The following ABCA13 variants were observed in gnomAD, a reference collection of about 807,000 sequenced individuals.
ABCA13 encodes ATP-binding cassette sub-family A member 13.
In ABCA13, 476 loss-of-function variants were observed where a neutral mutation model predicts 478.7. The observed-to-expected ratio is 0.99, with a 90% CI of 0.92 to 1.07. The LOEUF is 1.07. Ranked by LOEUF, ABCA13 falls within the 50% of genes least tolerant of loss-of-function variation. The probability of loss-of-function intolerance (pLI) is 0.00; values close to 1 mark genes in which losing one functional copy is unlikely to be tolerated. For missense variants in ABCA13, 6,060 were observed against 5,910.6 expected (o/e 1.03, Z -0.83); for synonymous variants, 2,252 against 2,158.9 (o/e 1.04, Z -1.20).
chr7:48,279,882 G>T lies in ABCA13; in HGVS notation c.8688G>T (p.Leu2896Phe). ...AATACCTGGGAGGATTATTTGTATT[G>T]ACTAAATACTGGCAACAAATCCCAC... Reference protein sequence around the residue: ...LEKYLGGLFVLTKYWQQIPLT... With the variant: ...LEKYLGGLFVFTKYWQQIPLT... Residue 2896 changes from leucine to phenylalanine, a missense_variant, in exon 18 of 62, where the codon TTG (leucine) becomes TTT (phenylalanine). By Grantham distance (22) the Leu-to-Phe change is conservative. Coordinates refer to ENST00000435803, the MANE Select transcript of ABCA13 (RefSeq NM_152701.5). 1 of 1,529,472 alleles carries T rather than the reference G, an allele frequency of 6.5e-7. No individual in the cohort carries two copies. The highest frequency in any genetic ancestry group is 1.3e-5 in the South Asian group (1 of 74,542). The allele number at this position is 1,529,472 out of a possible 1,614,324, so 94.7% of individuals were successfully genotyped here.
At chr7:48,388,092 T>A in intron 36 of ABCA13, 133 bp downstream of exon 36, 1 of 969,344 alleles carries the variant, frequency 1.0e-6, no homozygotes, top group Non-Finnish European at 1.4e-6. Flanking sequence ...TTAGGCTGTC[T>A]TGGGCTGGGA....
In ABCA13 at chr7:48,296,090, T is replaced by C. The variant is rs140240769; in HGVS notation, c.9119+227T>C. Among the ~76,000 whole-genome samples the C allele has an allele frequency of 2.1e-3, 317 of 152,302 alleles. 2 individuals carry two copies. Among genetic ancestry groups the C allele is most frequent in the African/African-American group, 7.4e-3 (309 of 41,564 alleles). ...CTAACTTTATTGGCGATAAAGATATTAGATATAAGAATGTAATCCACAACG... is the reference window on the plus strand; with the variant it reads ...CTAACTTTATTGGCGATAAAGATATCAGATATAAGAATGTAATCCACAACG... On this transcript the variant is annotated intron_variant, in intron 21 of 61. Transcript: ENST00000435803.
intron 15 of ABCA13, among the ~76,000 whole-genome samples, chr7:48,263,194 C>T (rs1401267023): frequency 1.3e-5 from 2 of 151,850 alleles, no homozygotes; most frequent in South Asian, 2.1e-4. Flanking sequence ...TTTAAGAAGA[C>T]GCCTAGATGA....
intron 27 of ABCA13, among the ~76,000 whole-genome samples, chr7:48,329,768 T>C (rs1034623322): frequency 1.3e-5 from 2 of 152,002 alleles, no homozygotes; most frequent in Admixed American, 6.6e-5. Context: ...CATTCATCTA[T>C]GCAATCATCC....
At position 48,350,674 on chromosome 7, in the gene ABCA13, A is replaced by G. The variant is rs2128981429; in HGVS notation, c.10236A>G (p.Ala3412=). The change falls in exon 30 of 62, where the codon GCA becomes GCG. Residue 3412 remains alanine (A), a synonymous_variant. Transcript: ENST00000435803. ...GGLLDEMFNH[A]GAGRFRFLGS... Reference sequence around the variant, plus strand: ...TGCTGGATGAGATGTTTAACCATGCAGGCGCTGGACGCTTCCGTTTCTTGG... The same window carrying G: ...TGCTGGATGAGATGTTTAACCATGCGGGCGCTGGACGCTTCCGTTTCTTGG... The G allele has an allele frequency of 6.2e-7, 1 of 1,613,788 alleles. No homozygotes were observed.
chr7:48,641,990 T>C (rs1795130477), intron 59 of ABCA13, among the ~76,000 whole-genome samples: 1 of 152,204 alleles, frequency 6.6e-6, no homozygotes, highest in Non-Finnish European at 1.5e-5. Flanking sequence ...TTCTGAGAGA[T>C]AGCCAAATAG....
intron 55 of ABCA13, among the ~76,000 whole-genome samples, chr7:48,554,804 T>A (rs1431683176): frequency 6.8e-6 from 1 of 147,714 alleles, no homozygotes; most frequent in Non-Finnish European, 1.5e-5. Context: ...CTAGTGTGGA[T>A]GCCCTTTATT....
intron 59 of ABCA13, among the ~76,000 whole-genome samples, chr7:48,632,965 A>G (rs1370802651): frequency 6.6e-6 from 1 of 152,224 alleles, no homozygotes; most frequent in Non-Finnish European, 1.5e-5. Context: ...CTAAAACTGT[A>G]AAACTCTTAG....
In ABCA13 at chr7:48,313,372, C is replaced by G. The variant is rs1802061615; in HGVS notation, c.9681+141C>G. On this transcript the variant is annotated intron_variant, in intron 25 of 61. Coordinates refer to ENST00000435803, the MANE Select transcript of ABCA13 (RefSeq NM_152701.5). ...GGAATGAAAGTACCTTTTCATATCT[C>G]TGGAAGCAACAGCATAACATAGAAT... The G allele has an allele frequency of 7.2e-6, 6 of 830,252 alleles. No homozygotes were observed. The East Asian group carries it at 1.6e-4, about 22-fold the overall frequency. 51.4% of individuals were successfully genotyped at this position (830,252 alleles called of 1,614,324 possible).
At chr7:48,172,898 G>C (rs1562695528) in intron 1 of ABCA13, among the ~76,000 whole-genome samples, 4 of 150,078 alleles carry the variant, frequency 2.7e-5, no homozygotes, top group Admixed American at 1.3e-4. Flanking sequence ...GTTCGTGTCT[G>C]TGTAGGTAGT....
chr7:48,256,084 C>A (rs1793346627), intron 15 of ABCA13, among the ~76,000 whole-genome samples: 1 of 152,062 alleles, frequency 6.6e-6, no homozygotes, highest in Admixed American at 6.6e-5. Context: ...TACTTATTGG[C>A]CATGTGCATG....
intron 42 of ABCA13, among the ~76,000 whole-genome samples, chr7:48,440,415 A>G (rs868846965): frequency 1.1e-4 from 16 of 152,208 alleles, no homozygotes; most frequent in South Asian, 2.1e-4. Flanking sequence ...AAATTCATCT[A>G]TGTAATTGCT....
rs778368058 is a variant in ABCA13 at position 48,295,733 on chromosome 7, C to T, written c.8989C>T (p.Leu2997=). 2 of 1,614,016 alleles carry T rather than the reference C, an allele frequency of 1.2e-6. No individual in the cohort carries two copies. The highest frequency in any genetic ancestry group is 3.3e-5 in the Admixed American group (2 of 60,028). ...IEKIWSSPNQ[L]NCESLSKNLS... ...AAAGATATGGTCCTCGCCGAATCAGCTAAATTGTGAAAGTCTTAGCAAGAA... is the reference window on the plus strand; with the variant it reads ...AAAGATATGGTCCTCGCCGAATCAGTTAAATTGTGAAAGTCTTAGCAAGAA... The change falls in exon 21 of 62, where the codon CTA becomes TTA. Residue 2997 remains leucine, a synonymous_variant. Coordinates refer to ENST00000435803, the MANE Select transcript of ABCA13 (RefSeq NM_152701.5).
chr7:48,319,805 A>G (rs1803157078), intron 27 of ABCA13, among the ~76,000 whole-genome samples: 1 of 151,850 alleles, frequency 6.6e-6, no homozygotes, highest in South Asian at 2.1e-4. Context: ...TCTTTGAAGG[A>G]CTCTTCTCCT....
At chr7:48,413,916 G>A (rs1215873391) in intron 41 of ABCA13, among the ~76,000 whole-genome samples, 1 of 152,180 alleles carries the variant, frequency 6.6e-6, no homozygotes, top group Non-Finnish European at 1.5e-5. Context: ...AATCACGAAG[G>A]TCGTAAATGG....
In ABCA13 at chr7:48,291,443, C is replaced by G. The variant is rs1447853524; in HGVS notation, c.8955+3365C>G. Among the ~76,000 whole-genome samples, 5 of 152,098 alleles carry G rather than the reference C, an allele frequency of 3.3e-5. No homozygotes were observed. The East Asian group carries it at 9.6e-4, about 29-fold the overall frequency. On this transcript the variant is annotated intron_variant, in intron 20 of 61. Transcript: ENST00000435803. ...CAATGAGATTTAAGTAAGGAGAACA[C>G]CAGGGATGGTTCCCAAAGTAGTGCC...
At position 48,252,754 on chromosome 7, in the gene ABCA13, G is replaced by A. The variant is rs576208999; in HGVS notation, c.2005+3403G>A. ...CTTTGAGTTCATTGGCCATATTTAA[G>A]GTAGTTGTTTTAATTTATTTATCAA... is the stretch of plus-strand genomic sequence containing the variant. On this transcript the variant is annotated intron_variant, in intron 15 of 61. Transcript: ENST00000435803. 5.4e-4 allele frequency among the ~76,000 whole-genome samples: 82 copies of A among 152,194 alleles called. No homozygotes were observed. In the South Asian group the frequency reaches 0.017, roughly 31 times the overall value.
At chr7:48,584,102 ATAT>A (rs1348651910) in intron 56 of ABCA13, among the ~76,000 whole-genome samples, 4 of 152,206 alleles carry the variant, frequency 2.6e-5, no homozygotes, top group Admixed American at 1.3e-4. Flanking sequence ...CCAGGTACAT[ATAT>A]TATTATTTTT....
At chr7:48,196,955 G>A (rs542636475) in intron 2 of ABCA13, among the ~76,000 whole-genome samples, 30 of 152,324 alleles carry the variant, frequency 2.0e-4, no homozygotes, top group African/African-American at 7.0e-4. Flanking sequence ...TGAAGCCAAA[G>A]ACTGCATATA....
Sources: allele counts gnomAD v4.1 joint callset (sites outside exome capture counted in the v4.1 genomes callset), GRCh38; gene constraint gnomAD v4.1.1; transcripts MANE v1.5; gene names NCBI Gene and HGNC (gene_info 2026-07-23, HGNC 2026-07-21).